RASEF: variants seen among roughly 807,000 people sequenced by gnomAD.
RASEF encodes ras and EF-hand domain-containing protein.
In RASEF, 68 loss-of-function variants were observed where a neutral mutation model predicts 90.1. The observed-to-expected ratio is 0.75, with a 90% CI of 0.62 to 0.92. The LOEUF is 0.92. Ranked by LOEUF, RASEF falls within the 40% of genes least tolerant of loss-of-function variation. RASEF has a pLI of 0.00. For synonymous variants in RASEF, 331 were observed against 345.2 expected, an observed-to-expected ratio of 0.96 and a Z score of 0.46; for missense variants, 949 against 937.2, an observed-to-expected ratio of 1.01 and a Z score of -0.16.
chr9:83,131,250 G>A, the RASEF span, among the ~76,000 whole-genome samples: 4 of 152,138 alleles, frequency 2.6e-5, no homozygotes, highest in Admixed American at 6.5e-5. Context: ...AACAAATATT[G>A]TACATGGCAT....
the RASEF span, among the ~76,000 whole-genome samples, chr9:83,113,649 G>A: frequency 0.029 from 4,476 of 152,238 alleles, 229 homozygotes; most frequent in African/African-American, 0.1. Flanking sequence ...GCCGCGCTGG[G>A]AGTGTCTGTC....
the RASEF span, among the ~76,000 whole-genome samples, chr9:83,080,409 G>A: frequency 6.6e-6 from 1 of 152,188 alleles, no homozygotes; most frequent in South Asian, 2.1e-4. Flanking sequence ...TAAGTATGAT[G>A]GTCTTTGCCC....
At chr9:82,989,603 A>G (rs1007794552) in intron 16 of RASEF, among the ~76,000 whole-genome samples, 11 of 152,186 alleles carry the variant, frequency 7.2e-5, no homozygotes, top group African/African-American at 2.2e-4. Flanking sequence ...GCCAATTATC[A>G]TACTAAAATT....
intron 3 of RASEF, among the ~76,000 whole-genome samples, chr9:83,020,324 C>G (rs908854672): frequency 2.0e-5 from 3 of 152,090 alleles, no homozygotes; most frequent in Non-Finnish European, 4.4e-5. Flanking sequence ...CAGGGTCAGG[C>G]ACAGTGAGGC....
At chr9:83,197,256 A>G in the RASEF span, among the ~76,000 whole-genome samples, 2 of 152,240 alleles carry the variant, frequency 1.3e-5, no homozygotes, top group Admixed American at 6.5e-5. Flanking sequence ...CTCATCACAC[A>G]GAGCTTTTAG....
chr9:83,040,793 T>C (rs982965573), intron 1 of RASEF, among the ~76,000 whole-genome samples: 2 of 152,254 alleles, frequency 1.3e-5, no homozygotes, highest in African/African-American at 4.8e-5. Flanking sequence ...TATGCTCAAA[T>C]ATACATAACA....
intron 1 of RASEF, chr9:83,055,520 T>C (rs1477980645): frequency 1.4e-6 from 1 of 702,268 alleles, no homozygotes. Context: ...TCGCTCACGC[T>C]GGGAGCTGTA....
intron 1 of RASEF, among the ~76,000 whole-genome samples, chr9:83,032,500 G>A (rs1829665268): frequency 6.6e-6 from 1 of 152,210 alleles, no homozygotes; most frequent in South Asian, 2.1e-4. Context: ...CTGCATCTGT[G>A]CTGAGAGAGC....
the RASEF span, among the ~76,000 whole-genome samples, chr9:83,192,184 A>T: frequency 6.6e-6 from 1 of 152,194 alleles, no homozygotes; most frequent in Non-Finnish European, 1.5e-5. Flanking sequence ...CTACTGTTCA[A>T]CCCAGCAATC....
At chr9:83,092,957 T>C in the RASEF span, among the ~76,000 whole-genome samples, 2 of 152,136 alleles carry the variant, frequency 1.3e-5, no homozygotes, top group Non-Finnish European at 2.9e-5. Context: ...AGGGTGCTGA[T>C]TGGTGTGTTT....
the RASEF span, among the ~76,000 whole-genome samples, chr9:83,191,565 G>C: frequency 3.9e-5 from 6 of 152,136 alleles, no homozygotes; most frequent in Non-Finnish European, 7.4e-5. Flanking sequence ...TAAACATTTA[G>C]AGTCTATGGA....
chr9:83,203,489 T>C, the RASEF span, among the ~76,000 whole-genome samples: 1 of 152,104 alleles, frequency 6.6e-6, no homozygotes, highest in Non-Finnish European at 1.5e-5. Flanking sequence ...TTGGCCAGGC[T>C]GGTCTCAAAC....
intron 1 of RASEF, among the ~76,000 whole-genome samples, chr9:83,047,536 G>C (rs1440176090): frequency 2.0e-5 from 3 of 152,164 alleles, no homozygotes; most frequent in African/African-American, 7.2e-5. Flanking sequence ...TCCAGCTTCA[G>C]ATGAAGAGAA....
chr9:83,069,065 T>C, the RASEF span, among the ~76,000 whole-genome samples: 1 of 152,238 alleles, frequency 6.6e-6, no homozygotes, highest in East Asian at 1.9e-4. Context: ...TAATGTGTTA[T>C]GAAACTGTGA....
At chr9:82,998,496 C>CT (rs776278405) in intron 12 of RASEF, 50 bp from the exon 13 acceptor site, 1 of 1,208,350 alleles carries the variant, frequency 8.3e-7, no homozygotes, top group South Asian at 1.2e-5. Flanking sequence ...ATTCCATTGG[C>CT]TTTTTACTTT....
chr9:83,153,861 A>G, the RASEF span, among the ~76,000 whole-genome samples: 1 of 152,216 alleles, frequency 6.6e-6, no homozygotes, highest in African/African-American at 2.4e-5. Flanking sequence ...ACCTACTGCC[A>G]TGGAATGTCA....
At chr9:83,219,067 AAACAAAAAAGAAACAC>A in the RASEF span, among the ~76,000 whole-genome samples, 1 of 152,242 alleles carries the variant, frequency 6.6e-6, no homozygotes, top group East Asian at 1.9e-4. Context: ...AACCAAACAA[AAACAAAAAAGAAACAC>A]TTAATTTTTA....
intron 14 of RASEF, among the ~76,000 whole-genome samples, chr9:82,993,843 G>A (rs1828858898): frequency 6.6e-6 from 1 of 152,200 alleles, no homozygotes; most frequent in Admixed American, 6.5e-5. Flanking sequence ...GTGAGGTCAG[G>A]CAAGTCTCTG....
rs375074755 is a variant in RASEF at position 83,004,597 on chromosome 9, G to A, written c.1114-11C>T. 4.8e-6 allele frequency: 7 copies of A among 1,449,794 alleles called. No homozygotes were observed. Among genetic ancestry groups the A allele is most frequent in the Non-Finnish European group, 6.8e-6 (7 of 1,030,686 alleles). The allele number at this position is 1,449,794 out of a possible 1,614,324, so 89.8% of individuals were successfully genotyped here. On this transcript the variant is annotated splice_polypyrimidine_tract_variant and intron_variant, in intron 8 of 16. Coordinates refer to ENST00000376447, the MANE Select transcript of RASEF (RefSeq NM_152573.4). ...GATATTATTTATATGCTGTAATATAGAAGTAATCATTTGTTAGTTCATGTA... is the reference window on the plus strand; with the variant it reads ...GATATTATTTATATGCTGTAATATAAAAGTAATCATTTGTTAGTTCATGTA...
Sources: gnomAD v4.1 joint callset for allele counts (sites outside exome capture counted in the v4.1 genomes callset) on GRCh38, gnomAD v4.1.1 for gene constraint, MANE v1.5 for transcripts, NCBI Gene and HGNC (gene_info 2026-07-23, HGNC 2026-07-21) for gene names.